ECHS1: variants seen among roughly 807,000 people sequenced by gnomAD.
ECHS1 encodes enoyl-CoA hydratase, short chain 1.
Under a neutral mutation model 33.5 loss-of-function variants are expected in ECHS1, and 19 were observed. The observed-to-expected ratio is 0.57, with a 90% confidence interval of 0.40 to 0.83. ECHS1 has a LOEUF of 0.83. Ranked by LOEUF, ECHS1 falls within the 40% of genes least tolerant of loss-of-function variation. The pLI is 0.00. For synonymous variants in ECHS1, 158 were observed against 146.6 expected, an observed-to-expected ratio of 1.08 and a Z score of -0.56; for missense variants, 365 against 381.3, an observed-to-expected ratio of 0.96 and a Z score of 0.36.
chr10:133,364,648 GTT>G lies in ECHS1; in HGVS notation c.807+8_807+9del. 6.2e-7 allele frequency: 1 copy of G among 1,607,626 alleles called. No homozygotes were observed. On this transcript the variant is annotated splice_region_variant and intron_variant, in intron 7 of 7. Coordinates refer to ENST00000368547, the MANE Select transcript of ECHS1 (RefSeq NM_004092.4). ...TTGCTTGATTCTCCGGTTGAACACTGTTTACTCACAGTGGCAAAGGTTGAATA... is the reference window on the plus strand; with the variant it reads ...TTGCTTGATTCTCCGGTTGAACACTGTACTCACAGTGGCAAAGGTTGAATA...
At chr10:133,369,049 TC>T (rs1355513376) in intron 3 of ECHS1, 27 bp from the exon 4 acceptor site, 1 of 1,603,922 alleles carries the variant, frequency 6.2e-7, no homozygotes. Flanking sequence ...ATCAGGAGAG[TC>T]TTACCAGGGG....
chr10:133,369,882 GACTCTTGGCAGCAAC>G lies in ECHS1; in HGVS notation c.414+7_414+21del, dbSNP rs1168102809. The G allele has an allele frequency of 1.2e-6, 2 of 1,612,108 alleles. No individual in the cohort carries two copies. The highest frequency in any genetic ancestry group is 1.7e-6 in the Non-Finnish European group (2 of 1,179,336). On this transcript the variant is annotated splice_region_variant and intron_variant, in intron 3 of 7. Coordinates refer to ENST00000368547, the MANE Select transcript of ECHS1 (RefSeq NM_004092.4). ...GGTTCCTTCAACCACGAGAGGAGGA[GACTCTTGGCAGCAAC>G]ACTCACGGCATAGCCATTGACAGCA...
chr10:133,367,338 G>T lies in ECHS1; in HGVS notation c.515-345C>A, dbSNP rs866260923. Among the ~76,000 whole-genome samples, 792 of 144,630 alleles carry T rather than the reference G, an allele frequency of 5.5e-3. 47 individuals carry two copies. The highest frequency in any genetic ancestry group is 0.021 in the African/African-American group (737 of 34,364). The allele number at this position is 144,630 out of a possible 152,430, so 94.9% of individuals were successfully genotyped here. A position where few individuals can be genotyped will look rare whatever the true frequency, so the allele number is the denominator to read the frequency against. On this transcript the variant is annotated intron_variant, in intron 4 of 7. Transcript: ENST00000368547. ...TGATCATGGACATTATCAATCATTA[G>T]TATAAACATTATTAATCATTAGCTC...
intron 5 of ECHS1, among the ~76,000 whole-genome samples, chr10:133,366,634 C>A (rs1451830447): frequency 6.6e-6 from 1 of 151,838 alleles, no homozygotes; most frequent in African/African-American, 2.4e-5. Flanking sequence ...CACCTGGATG[C>A]CGCCCTGGGT....
chr10:133,371,046 A>T (rs942673434), intron 1 of ECHS1, among the ~76,000 whole-genome samples: 7 of 152,190 alleles, frequency 4.6e-5, no homozygotes, highest in African/African-American at 1.7e-4. Context: ...GGGAGGCCGA[A>T]GCGGTCGAAT....
At chr10:133,365,358 G>T (rs1001384659) in intron 6 of ECHS1, among the ~76,000 whole-genome samples, 1 of 152,212 alleles carries the variant, frequency 6.6e-6, no homozygotes, top group African/African-American at 2.4e-5. Flanking sequence ...CCACACCCTC[G>T]AGATAAATGC....
chr10:133,366,329 C>T (rs957929385), intron 5 of ECHS1, among the ~76,000 whole-genome samples: 5 of 152,214 alleles, frequency 3.3e-5, no homozygotes, highest in South Asian at 2.1e-4. Flanking sequence ...ACAGCTCCGA[C>T]GGCAGAGGCG....
At chr10:133,365,876 G>A in intron 6 of ECHS1, 100 bp downstream of exon 6, 2 of 1,440,616 alleles carry the variant, frequency 1.4e-6, no homozygotes, top group African/African-American at 1.4e-5. Context: ...TGCCCAGGAG[G>A]GCTTAAGGCA....
At position 133,370,597 on chromosome 10, in the gene ECHS1, C is replaced by T; in HGVS notation, c.249G>A (p.Gly83=). 6.2e-7 allele frequency: 1 copy of T among 1,608,374 alleles called. No homozygotes were observed. The change falls in exon 2 of 8, where the codon GGG becomes GGA. Residue 83 remains glycine (G), a synonymous_variant. Coordinates refer to ENST00000368547, the MANE Select transcript of ECHS1 (RefSeq NM_004092.4). ...LKTFEEDPAV[G]AIVLTGGDKA... is the part of the protein sequence containing the mutation. ...TATCCCCGCCGGTGAGGACAATGGC[C>T]CCCACGGCCGGGTCCTCCTCGAAGG...
intron 1 of ECHS1, among the ~76,000 whole-genome samples, chr10:133,372,678 CA>C (rs200073186): frequency 0.19 from 27,378 of 140,644 alleles, 4,476 homozygotes; most frequent in African/African-American, 0.46. Context: ...CAGAGCCAGG[CA>C]GGGGGTGGGG....
At position 133,362,763 on chromosome 10, in the gene ECHS1, A is replaced by G; in HGVS notation, c.*105T>C. ...CGCAGCAATTGGAGAGGAACTGCAC[A>G]CCACGGACACTGCTCTTGAAAAGAG... On this transcript the variant is annotated 3_prime_UTR_variant, in exon 8 of 8. Transcript: ENST00000368547. The G allele has an allele frequency of 2.3e-6, 3 of 1,325,894 alleles. No individual in the cohort carries two copies. Among genetic ancestry groups the G allele is most frequent in the Non-Finnish European group, 3.3e-6 (3 of 920,272 alleles). The allele number at this position is 1,325,894 out of a possible 1,614,324, so 82.1% of individuals were successfully genotyped here.
At chr10:133,363,453 C>T (rs1848992118) in intron 7 of ECHS1, among the ~76,000 whole-genome samples, 1 of 152,076 alleles carries the variant, frequency 6.6e-6, no homozygotes, top group Admixed American at 6.5e-5. Flanking sequence ...ATTAAAACAC[C>T]GAAGTATGAC....
chr10:133,363,939 G>A (rs1848998369), intron 7 of ECHS1, among the ~76,000 whole-genome samples: 1 of 151,714 alleles, frequency 6.6e-6, no homozygotes, highest in African/African-American at 2.4e-5. Context: ...AAAAACATGG[G>A]TAAAATGAGT....
chr10:133,363,263 G>T (rs964297730), intron 7 of ECHS1, among the ~76,000 whole-genome samples: 3 of 152,186 alleles, frequency 2.0e-5, no homozygotes, highest in Non-Finnish European at 2.9e-5. Flanking sequence ...CTGTATCAGG[G>T]GCTACTCTGT....
intron 1 of ECHS1, among the ~76,000 whole-genome samples, chr10:133,371,236 C>T (rs375037170): frequency 1.3e-5 from 2 of 151,998 alleles, no homozygotes; most frequent in Admixed American, 1.3e-4. Flanking sequence ...GAGATCATGC[C>T]ACTGCACTCC....
intron 3 of ECHS1, among the ~76,000 whole-genome samples, chr10:133,369,649 C>G (rs562317393): frequency 6.6e-6 from 1 of 152,272 alleles, no homozygotes; most frequent in East Asian, 1.9e-4. Flanking sequence ...GTAGCCAAAG[C>G]CAACACCTCT....
chr10:133,371,692 A>G (rs1046193351), intron 1 of ECHS1: 1 of 154,722 alleles, frequency 6.5e-6, no homozygotes, highest in East Asian at 1.9e-4. Flanking sequence ...ACAAAGGACA[A>G]TGGCGTTCCA....
rs530835820 is a variant in ECHS1, at chr10:133,370,603, G to A, written c.243C>T (p.Ala81=). 8.3e-5 allele frequency: 134 copies of A among 1,610,264 alleles called. 1 individual carries two copies. In the South Asian group the frequency reaches 1.4e-3, roughly 16 times the overall value. ...QALKTFEEDP[A]VGAIVLTGGD... ...CGCCGGTGAGGACAATGGCCCCCAC[G>A]GCCGGGTCCTCCTCGAAGGTCTTCA... The change falls in exon 2 of 8, where the codon GCC becomes GCT. Residue 81 remains alanine, a synonymous_variant. Coordinates refer to ENST00000368547, the MANE Select transcript of ECHS1 (RefSeq NM_004092.4).
chr10:133,367,181 A>G (rs1251044818), intron 4 of ECHS1, among the ~76,000 whole-genome samples, 188 bp from the exon 5 acceptor site: 1 of 152,210 alleles, frequency 6.6e-6, no homozygotes, highest in Non-Finnish European at 1.5e-5. Flanking sequence ...CTCAGGCCCC[A>G]CATCTGGTGC....
Sources: gnomAD v4.1 joint callset for allele counts (sites outside exome capture counted in the v4.1 genomes callset) on GRCh38, gnomAD v4.1.1 for gene constraint, MANE v1.5 for transcripts, NCBI Gene and HGNC (gene_info 2026-07-23, HGNC 2026-07-21) for gene names.